The following LAMA2 variants were observed in gnomAD, a reference collection of about 807,000 sequenced individuals.
The protein encoded by LAMA2 is laminin subunit alpha 2.
A neutral mutation model predicts 364.8 loss-of-function variants in LAMA2; 269 were observed. That is an observed-to-expected ratio of 0.74 (90% CI 0.67 to 0.82). The LOEUF is 0.82. LAMA2 is among the 40% of genes least tolerant of loss of function. The pLI, the probability that LAMA2 is intolerant of heterozygous loss-of-function variation, is 0.00. For missense variants in LAMA2, 3,807 were observed against 3,873.2 expected, an observed-to-expected ratio of 0.98 and a Z score of 0.45; for synonymous variants, 1,379 against 1,370.6, an observed-to-expected ratio of 1.01 and a Z score of -0.14.
chr6:129,081,996 T>C (rs1396052340), intron 3 of LAMA2, among the ~76,000 whole-genome samples: 2 of 152,156 alleles, frequency 1.3e-5, no homozygotes, highest in African/African-American at 4.8e-5. Flanking sequence ...TTTTAAATCA[T>C]GTATAACAAT....
chr6:129,216,197 A>G (rs1783414084), intron 12 of LAMA2, among the ~76,000 whole-genome samples: 1 of 152,190 alleles, frequency 6.6e-6, no homozygotes, highest in Non-Finnish European at 1.5e-5. Context: ...TAAACACCAC[A>G]GTAGAGATGG....
At chr6:129,167,250 C>T (rs1779806486) in intron 9 of LAMA2, among the ~76,000 whole-genome samples, 1 of 151,390 alleles carries the variant, frequency 6.6e-6, no homozygotes, top group African/African-American at 2.4e-5. Flanking sequence ...CATGCTGGTG[C>T]ACTGCACCCA....
intron 45 of LAMA2, 44 bp from the exon 46 acceptor site, chr6:129,452,944 T>C: frequency 6.3e-7 from 1 of 1,587,478 alleles, no homozygotes; most frequent in South Asian, 1.1e-5. Flanking sequence ...TCAAACTTTC[T>C]GAGAGATTTA....
chr6:129,452,125 G>C (rs559065653), intron 45 of LAMA2, among the ~76,000 whole-genome samples: 39 of 152,266 alleles, frequency 2.6e-4, no homozygotes, highest in African/African-American at 9.4e-4. Context: ...CTGAGTCCAA[G>C]CAACTATTTT....
At chr6:129,314,117 C>T (rs1774401848) in intron 23 of LAMA2, among the ~76,000 whole-genome samples, 1 of 152,030 alleles carries the variant, frequency 6.6e-6, no homozygotes, top group African/African-American at 2.4e-5. Flanking sequence ...AAACAATGTA[C>T]AGGCCGGGCG....
At chr6:129,033,836 C>G (rs914754015) in intron 1 of LAMA2, among the ~76,000 whole-genome samples, 1 of 151,426 alleles carries the variant, frequency 6.6e-6, no homozygotes, top group Non-Finnish European at 1.5e-5. Context: ...GCCACCCCCT[C>G]TATGAATATT....
intron 1 of LAMA2, among the ~76,000 whole-genome samples, chr6:128,913,457 C>G (rs1261854976): frequency 2.6e-5 from 4 of 152,140 alleles, no homozygotes; most frequent in Non-Finnish European, 5.9e-5. Context: ...TCATAAATGT[C>G]TGTATGAACG....
intron 7 of LAMA2, among the ~76,000 whole-genome samples, chr6:129,154,191 A>G (rs1013921941): frequency 6.6e-6 from 1 of 152,000 alleles, no homozygotes; most frequent in Non-Finnish European, 1.5e-5. Flanking sequence ...AGGCGGGTGG[A>G]TCATGGGTCA....
intron 1 of LAMA2, among the ~76,000 whole-genome samples, chr6:128,958,697 T>C (rs1302994047): frequency 6.6e-6 from 1 of 152,166 alleles, no homozygotes; most frequent in African/African-American, 2.4e-5. Context: ...GGAGATTAAA[T>C]ATATTTTCAC....
intron 12 of LAMA2, among the ~76,000 whole-genome samples, chr6:129,231,145 A>T (rs1350575336): frequency 1.3e-5 from 2 of 152,182 alleles, no homozygotes; most frequent in East Asian, 3.9e-4. Flanking sequence ...ATGTTCCCCA[A>T]AGCAAGGCTA....
chr6:129,426,358 G>A (rs890410492), intron 40 of LAMA2, among the ~76,000 whole-genome samples: 4 of 152,138 alleles, frequency 2.6e-5, no homozygotes, highest in African/African-American at 9.7e-5. Context: ...AACCAAGGGA[G>A]TAAAAATGAC....
At chr6:129,370,072 A>G (rs1777988083) in intron 34 of LAMA2, 82 bp downstream of exon 34, 5 of 1,104,224 alleles carry the variant, frequency 4.5e-6, no homozygotes, top group Non-Finnish European at 6.9e-6. Flanking sequence ...TCTGAAATGC[A>G]AATCACCTTC....
At chr6:129,246,028 A>T (rs1246022988) in intron 12 of LAMA2, among the ~76,000 whole-genome samples, 1 of 152,226 alleles carries the variant, frequency 6.6e-6, no homozygotes, top group Non-Finnish European at 1.5e-5. Context: ...GTGCCAAACA[A>T]CTTAATAAAT....
intron 28 of LAMA2, among the ~76,000 whole-genome samples, chr6:129,324,825 G>C (rs779654459): frequency 6.6e-6 from 1 of 152,184 alleles, no homozygotes; most frequent in Non-Finnish European, 1.5e-5. Flanking sequence ...CGTACACATG[G>C]TCCTATCATT....
At chr6:128,990,676 C>G (rs549285389) in intron 1 of LAMA2, among the ~76,000 whole-genome samples, 1 of 152,102 alleles carries the variant, frequency 6.6e-6, no homozygotes, top group South Asian at 2.1e-4. Context: ...AAATAGGCCC[C>G]TTTCTCTCAT....
intron 8 of LAMA2, chr6:129,158,712 T>G (rs1562285222): frequency 1.2e-6 from 2 of 1,614,038 alleles, no homozygotes; most frequent in Admixed American, 3.3e-5. Flanking sequence ...AGGGGGCATG[T>G]GGGTTGCAAA....
chr6:129,227,432 C>T (rs1784374790), intron 12 of LAMA2, among the ~76,000 whole-genome samples: 5 of 152,186 alleles, frequency 3.3e-5, no homozygotes, highest in Admixed American at 3.3e-4. Context: ...TTCAGCTTCT[C>T]TGCTCTGTTT....
intron 1 of LAMA2, among the ~76,000 whole-genome samples, chr6:128,996,017 C>T (rs1783917492): frequency 6.6e-6 from 1 of 152,090 alleles, no homozygotes; most frequent in Non-Finnish European, 1.5e-5. Flanking sequence ...ACAAAACATA[C>T]AAGGCCTTTG....
chr6:128,935,363 G>A (rs1779754860), intron 1 of LAMA2, among the ~76,000 whole-genome samples: 1 of 151,996 alleles, frequency 6.6e-6, no homozygotes, highest in African/African-American at 2.4e-5. Context: ...TTGGTTTCCA[G>A]CTTCATCCAT....
Sources: gnomAD v4.1 joint callset for allele counts (sites outside exome capture counted in the v4.1 genomes callset) on GRCh38, gnomAD v4.1.1 for gene constraint, MANE v1.5 for transcripts, NCBI Gene and HGNC (gene_info 2026-07-23, HGNC 2026-07-21) for gene names.